GDI2: variants seen among roughly 807,000 people sequenced by gnomAD.
GDI2 encodes the protein GDP dissociation inhibitor 2.
A neutral mutation model predicts 54.2 loss-of-function variants in GDI2; 22 were observed. The ratio of observed to expected loss-of-function variants is 0.41; its 90% CI spans 0.29 to 0.58. The LOEUF is 0.58. Ranked by LOEUF, GDI2 falls within the 20% of genes least tolerant of loss-of-function variation. GDI2 has a pLI of 0.35. For missense variants in GDI2, 422 were observed against 546.0 expected, an observed-to-expected ratio of 0.77 and a Z score of 2.26; for synonymous variants, 177 against 182.1, an observed-to-expected ratio of 0.97 and a Z score of 0.23.
chr10:5,803,399 G>A (rs1455369119), intron 1 of GDI2, among the ~76,000 whole-genome samples: 1 of 152,088 alleles, frequency 6.6e-6, no homozygotes, highest in Non-Finnish European at 1.5e-5. Flanking sequence ...ACTTCAGCCT[G>A]GGTGACAAAG....
intron 6 of GDI2, among the ~76,000 whole-genome samples, chr10:5,777,755 T>C (rs1408012411): frequency 3.9e-5 from 6 of 152,108 alleles, no homozygotes; most frequent in Non-Finnish European, 8.8e-5. Context: ...GAACCAGAAA[T>C]ACCATCTGAC....
In GDI2 at chr10:5,773,223, A is replaced by G. The variant is rs1405693907; in HGVS notation, c.819+619T>C. ...TTAATGTTAAAAAGATAAAGCTTAGATTTTTAGAATTCCAGTGAGACAGTA... is the reference window on the plus strand; with the variant it reads ...TTAATGTTAAAAAGATAAAGCTTAGGTTTTTAGAATTCCAGTGAGACAGTA... On this transcript the variant is annotated intron_variant, in intron 7 of 10. Coordinates refer to ENST00000380191, the MANE Select transcript of GDI2 (RefSeq NM_001494.4). Among the ~76,000 whole-genome samples, 4 of 152,286 alleles carry G rather than the reference A, an allele frequency of 2.6e-5. No homozygotes were observed. The East Asian group carries it at 7.7e-4, about 29-fold the overall frequency.
chr10:5,785,976 G>C lies in GDI2; in HGVS notation c.463C>G (p.Pro155Ala), dbSNP rs1344301823. Residue 155 changes from proline (P) to alanine (A), a missense_variant, in exon 5 of 11, where the codon CCA becomes GCA. Pro to Ala is a conservative substitution (Grantham distance 27). Transcript: ENST00000380191. ...GGATCAATGCCTTCAAAAGTTCTTGGATCTTTTTCATCGAAGTTGGCAACA... is the reference window on the plus strand; with the variant it reads ...GGATCAATGCCTTCAAAAGTTCTTGCATCTTTTTCATCGAAGTTGGCAACA... Reference protein sequence around the residue: ...VYVANFDEKDPRTFEGIDPKK... With the variant: ...VYVANFDEKDARTFEGIDPKK... 2 of 1,613,252 alleles carry C rather than the reference G, an allele frequency of 1.2e-6. No homozygotes were observed. The highest frequency in any genetic ancestry group is 1.1e-5 in the South Asian group (1 of 91,076).
intron 4 of GDI2, among the ~76,000 whole-genome samples, chr10:5,788,399 T>C (rs1405447365): frequency 6.6e-6 from 1 of 152,178 alleles, no homozygotes; most frequent in East Asian, 1.9e-4. Context: ...CTCCTTCCTC[T>C]TTCCCCCACA....
intron 2 of GDI2, among the ~76,000 whole-genome samples, chr10:5,799,164 A>G (rs1841210536): frequency 6.6e-6 from 1 of 151,722 alleles, no homozygotes; most frequent in Non-Finnish European, 1.5e-5. Context: ...CAACACAGAG[A>G]GACCCCATCT....
intron 6 of GDI2, among the ~76,000 whole-genome samples, chr10:5,782,925 C>G (rs1840793139): frequency 6.6e-6 from 1 of 152,170 alleles, no homozygotes; most frequent in Admixed American, 6.5e-5. Flanking sequence ...AAGAGTGGAA[C>G]TCCATCTCCA....
At chr10:5,792,653 C>T (rs981025359) in intron 4 of GDI2, among the ~76,000 whole-genome samples, 2 of 149,956 alleles carry the variant, frequency 1.3e-5, no homozygotes, top group East Asian at 2.0e-4. Context: ...ATAAACCTAG[C>T]CTTAAAAATA....
chr10:5,775,962 C>T (rs1283883664), intron 6 of GDI2: 2 of 169,654 alleles, frequency 1.2e-5, no homozygotes, highest in Non-Finnish European at 2.5e-5. Context: ...AGAGGGGCCA[C>T]AGTCCCTGCG....
intron 1 of GDI2, among the ~76,000 whole-genome samples, chr10:5,808,281 C>G (rs570174155): frequency 6.6e-6 from 1 of 152,124 alleles, no homozygotes; most frequent in Non-Finnish European, 1.5e-5. Flanking sequence ...GCTGTGATCA[C>G]ACAACTGCAC....
At chr10:5,812,011 A>G in intron 1 of GDI2, 1 of 457,460 alleles carries the variant, frequency 2.2e-6, no homozygotes, top group Non-Finnish European at 3.6e-6. Context: ...AATAAATTTC[A>G]AAAAATTTGA....
Position 5,794,918 on chromosome 10 carries a change from C to G in GDI2, c.355G>C (p.Val119Leu), listed in dbSNP as rs1441692245. 1.9e-6 allele frequency: 3 copies of G among 1,607,362 alleles called. No homozygotes were observed. Among genetic ancestry groups the G allele is most frequent in the Non-Finnish European group, 2.6e-6 (3 of 1,173,962 alleles). The change falls in exon 4 of 11, where the codon GTT (valine) becomes CTT (leucine). Residue 119 changes from valine to leucine, a missense_variant. Physicochemically the swap from Val to Leu is conservative, Grantham distance 32 (BLOSUM62 1). Transcript: ENST00000380191. Reference protein sequence around the residue: ...FVYKGGKIYKVPSTEAEALAS... With the variant: ...FVYKGGKIYKLPSTEAEALAS... ...AGGGCTTCTGCTTCAGTGGAAGGAA[C>G]CTTGTAGATTTTTCCACCCTTATAG...
intron 5 of GDI2, 124 bp from the exon 6 acceptor site, chr10:5,785,397 C>G: frequency 5.6e-6 from 4 of 716,344 alleles, no homozygotes; most frequent in Non-Finnish European, 9.4e-6. Flanking sequence ...TTTTTTGAGA[C>G]AGGGTCTCAC....
chr10:5,808,714 A>C (rs1372430442), intron 1 of GDI2, among the ~76,000 whole-genome samples: 1 of 71,218 alleles, frequency 1.4e-5, no homozygotes, highest in East Asian at 2.5e-4. Flanking sequence ...AAAAAAAAAA[A>C]AAAACTACAA....
At chr10:5,786,142 T>A in intron 4 of GDI2, 92 bp from the exon 5 acceptor site, 2 of 712,462 alleles carry the variant, frequency 2.8e-6, no homozygotes, top group Non-Finnish European at 4.8e-6. Flanking sequence ...TGCCTTGTTA[T>A]CAACTGCGGA....
At chr10:5,795,554 T>C (rs748071920) in intron 3 of GDI2, among the ~76,000 whole-genome samples, 13 of 152,254 alleles carry the variant, frequency 8.5e-5, no homozygotes, top group Non-Finnish European at 1.9e-4. Flanking sequence ...TTTTTAATGT[T>C]ACAACTTAAA....
intron 6 of GDI2, among the ~76,000 whole-genome samples, chr10:5,780,186 G>T (rs560525919): frequency 6.7e-6 from 1 of 148,714 alleles, no homozygotes; most frequent in South Asian, 2.1e-4. Context: ...TCTAGCATGG[G>T]TGACAGAGTA....
At position 5,776,839 on chromosome 10, in the gene GDI2, C is replaced by G; in HGVS notation, c.720-2898G>C. Reference sequence around the variant, plus strand: ...TTCCCCTTATGGAGCTGAGGATATTCTGAAAGGATTTATGAATAATTAAAA... The same window carrying G: ...TTCCCCTTATGGAGCTGAGGATATTGTGAAAGGATTTATGAATAATTAAAA... On this transcript the variant is annotated intron_variant, in intron 6 of 10. Coordinates refer to ENST00000380191, the MANE Select transcript of GDI2 (RefSeq NM_001494.4). The surrounding 1 kb of genome is among the most constrained non-coding windows in gnomAD (Gnocchi z 5.3). The G allele has an allele frequency of 7.5e-7, 1 of 1,326,708 alleles. No homozygotes were observed. The highest frequency in any genetic ancestry group is 2.2e-5 in the Admixed American group (1 of 45,950). 82.2% of individuals were successfully genotyped at this position (1,326,708 alleles called of 1,614,324 possible). A position where few individuals can be genotyped will look rare whatever the true frequency, so the allele number is the denominator to read the frequency against.
In GDI2 at chr10:5,805,517, A is replaced by G. The variant is rs138019318; in HGVS notation, c.46-4812T>C. On this transcript the variant is annotated intron_variant, in intron 1 of 10. Transcript: ENST00000380191. Reference sequence around the variant, plus strand: ...AACCTCAGCCTCCTGAGAAGCTGGAACTACAGACATGTGCCACCACGCCTG... The same window carrying G: ...AACCTCAGCCTCCTGAGAAGCTGGAGCTACAGACATGTGCCACCACGCCTG... 2.8e-4 allele frequency among the ~76,000 whole-genome samples: 43 copies of G among 152,202 alleles called. No homozygotes were observed. In the South Asian group the frequency reaches 8.7e-3, roughly 31 times the overall value.
chr10:5,794,418 A>ACCCAGCTACTTAT (rs1047765274), intron 4 of GDI2, among the ~76,000 whole-genome samples: 1 of 151,190 alleles, frequency 6.6e-6, no homozygotes, highest in Non-Finnish European at 1.5e-5. Context: ...TTCACTTCCA[A>ACCCAGCTACTTAT]CCCAGCTACT....
Sources: gnomAD v4.1 joint callset for allele counts (sites outside exome capture counted in the v4.1 genomes callset) on GRCh38, gnomAD v4.1.1 for gene constraint, Gnocchi (gnomAD v3.1) non-coding constraint, MANE v1.5 for transcripts, NCBI Gene and HGNC (gene_info 2026-07-23, HGNC 2026-07-21) for gene names.